The following ALG9 variants were observed in gnomAD, a reference collection of about 807,000 sequenced individuals.
ALG9 encodes alpha-1,2-mannosyltransferase ALG9.
A neutral mutation model predicts 81.8 loss-of-function variants in ALG9; 55 were observed. The ratio of observed to expected loss-of-function variants is 0.67; its 90% CI spans 0.54 to 0.84. The LOEUF (loss-of-function observed/expected upper bound fraction) is 0.84. Ranked by LOEUF, ALG9 falls within the 40% of genes least tolerant of loss-of-function variation. The pLI is 0.00. For missense variants in ALG9, 629 were observed against 745.0 expected (o/e 0.84, Z 1.81); for synonymous variants, 278 against 274.3 (o/e 1.01, Z -0.13).
intron 5 of ALG9, among the ~76,000 whole-genome samples, chr11:111,858,325 T>C (rs554346300): frequency 1.3e-5 from 2 of 152,250 alleles, no homozygotes; most frequent in African/African-American, 4.8e-5. Context: ...CAAAAACTCA[T>C]AGAATTCCAC....
chr11:111,859,407 C>T (rs1959214420), intron 5 of ALG9, among the ~76,000 whole-genome samples: 1 of 151,588 alleles, frequency 6.6e-6, no homozygotes, highest in Non-Finnish European at 1.5e-5. Flanking sequence ...GAGCCTGAGG[C>T]AAGAGAATCG....
At chr11:111,859,413 A>G (rs1336400267) in intron 5 of ALG9, among the ~76,000 whole-genome samples, 1 of 151,978 alleles carries the variant, frequency 6.6e-6, no homozygotes, top group Non-Finnish European at 1.5e-5. Flanking sequence ...GAGGCAAGAG[A>G]ATCGCTTGAA....
chr11:111,852,920 C>A, intron 8 of ALG9, among the ~76,000 whole-genome samples: 1 of 131,362 alleles, frequency 7.6e-6, no homozygotes, highest in African/African-American at 3.0e-5. Context: ...CCAGCCTGGG[C>A]AACAAGAGTC....
intron 14 of ALG9, among the ~76,000 whole-genome samples, chr11:111,805,675 A>G (rs558084841): frequency 6.6e-6 from 1 of 152,388 alleles, no homozygotes; most frequent in South Asian, 2.1e-4. Flanking sequence ...AGAGCATGGA[A>G]GTAGAACAGA....
chr11:111,861,821 C>T lies in ALG9; in HGVS notation c.477-1186G>A, dbSNP rs539903105. 7.3e-5 allele frequency among the ~76,000 whole-genome samples: 11 copies of T among 151,512 alleles called. No individual in the cohort carries two copies. The South Asian group carries it at 2.1e-3, about 29-fold the overall frequency. The stretch of plus-strand genomic sequence containing the variant: ...TTTAAACTGAAAAGTCTGTATTTAG[C>T]TCTTGGTCTTAAAAGATGGCTTAAC... On this transcript the variant is annotated intron_variant, in intron 4 of 14. Coordinates refer to ENST00000616540, the MANE Select transcript of ALG9 (RefSeq NM_024740.2).
chr11:111,826,655 A>G (rs1555108814), intron 13 of ALG9, among the ~76,000 whole-genome samples: 1 of 152,016 alleles, frequency 6.6e-6, no homozygotes, highest in East Asian at 1.9e-4. Flanking sequence ...ACATACACTA[A>G]CTTCTTTTGG....
At chr11:111,834,156 T>A (rs1016108549) in intron 13 of ALG9, among the ~76,000 whole-genome samples, 2 of 152,240 alleles carry the variant, frequency 1.3e-5, no homozygotes, top group Non-Finnish European at 2.9e-5. Context: ...ATTAAATGGC[T>A]AAATGAACTG....
chr11:111,821,636 G>A (rs1175178688), intron 13 of ALG9, among the ~76,000 whole-genome samples: 1 of 151,866 alleles, frequency 6.6e-6, no homozygotes, highest in Non-Finnish European at 1.5e-5. Context: ...TGTTTCCCCA[G>A]GCTTCTTTTT....
intron 4 of ALG9, among the ~76,000 whole-genome samples, chr11:111,861,779 T>C (rs1221296460): frequency 6.6e-6 from 1 of 152,092 alleles, no homozygotes; most frequent in South Asian, 2.1e-4. Context: ...CCTTTTTTTT[T>C]CCCTTTCTCT....
At chr11:111,795,878 G>A (rs1233385158) in intron 14 of ALG9, among the ~76,000 whole-genome samples, 1 of 152,200 alleles carries the variant, frequency 6.6e-6, no homozygotes, top group Non-Finnish European at 1.5e-5. Context: ...AAGGTTGCTG[G>A]AGAAATGCTC....
intron 13 of ALG9, among the ~76,000 whole-genome samples, chr11:111,833,295 G>A (rs1310083352): frequency 1.3e-5 from 2 of 152,156 alleles, no homozygotes; most frequent in Non-Finnish European, 2.9e-5. Context: ...TTTAGATCTT[G>A]ATTCTGGCAG....
chr11:111,796,289 T>C lies in ALG9; in HGVS notation c.1734-9769A>G, dbSNP rs1481913934. 2.6e-5 allele frequency among the ~76,000 whole-genome samples: 4 copies of C among 152,332 alleles called. No individual in the cohort carries two copies. The East Asian group carries it at 5.8e-4, about 22-fold the overall frequency. ...TGCTAGGAGTTGTAGAGAATCAACATGTAATGTGGTTCTAACTCTCAAGGA... is the reference window on the plus strand; with the variant it reads ...TGCTAGGAGTTGTAGAGAATCAACACGTAATGTGGTTCTAACTCTCAAGGA... On this transcript the variant is annotated intron_variant, in intron 14 of 14. Coordinates refer to ENST00000616540, the MANE Select transcript of ALG9 (RefSeq NM_024740.2).
chr11:111,865,841 A>C (rs538493324), intron 3 of ALG9, among the ~76,000 whole-genome samples: 1 of 151,950 alleles, frequency 6.6e-6, no homozygotes, highest in Admixed American at 6.5e-5. Context: ...TTTTCCTCCT[A>C]TCTTCCAAAG....
At position 111,868,676 on chromosome 11, in the gene ALG9, T is replaced by A; in HGVS notation, c.331A>T (p.Ile111Phe). The change falls in exon 3 of 15, where the codon ATT becomes TTT. Residue 111 changes from isoleucine to phenylalanine, a missense_variant. Transcript: ENST00000616540. Reference protein sequence around the residue: ...QTWEYSPAYAIRSYAYLLLHA... With the variant: ...QTWEYSPAYAFRSYAYLLLHA... ...AGCAACAGGTAAGCATAGGAGCGAA[T>A]GGCATATGCTGGGGAATATTCCCAA... The A allele has an allele frequency of 6.2e-7, 1 of 1,613,802 alleles. No homozygotes were observed. The highest frequency in any genetic ancestry group is 8.5e-7 in the Non-Finnish European group (1 of 1,179,716).
At chr11:111,793,488 A>G (rs1405597861) in intron 14 of ALG9, among the ~76,000 whole-genome samples, 3 of 151,772 alleles carry the variant, frequency 2.0e-5, no homozygotes, top group Non-Finnish European at 2.9e-5. Context: ...CGGGCCAGGC[A>G]TGGTGGCTCA....
intron 3 of ALG9, among the ~76,000 whole-genome samples, chr11:111,868,269 C>A (rs1400430747): frequency 6.6e-6 from 1 of 152,114 alleles, no homozygotes; most frequent in Non-Finnish European, 1.5e-5. Flanking sequence ...TTAAATTAGA[C>A]CCTCCTAATA....
intron 12 of ALG9, among the ~76,000 whole-genome samples, chr11:111,837,028 C>T (rs550213014): frequency 6.6e-6 from 1 of 152,342 alleles, no homozygotes; most frequent in Middle Eastern, 3.4e-3. Flanking sequence ...ACATTTTAAC[C>T]ACAGCCTTCC....
chr11:111,799,153 A>G (rs1565655687), intron 14 of ALG9, among the ~76,000 whole-genome samples: 1 of 151,564 alleles, frequency 6.6e-6, no homozygotes. Context: ...TCACAGTATA[A>G]TTTTTTTTTG....
At chr11:111,854,206 C>G (rs1958300988) in intron 6 of ALG9, among the ~76,000 whole-genome samples, 2 of 149,406 alleles carry the variant, frequency 1.3e-5, no homozygotes, top group Non-Finnish European at 3.0e-5. Flanking sequence ...CCAGCATTCT[C>G]CTGCCTCAGG....
Sources: allele counts gnomAD v4.1 joint callset (sites outside exome capture counted in the v4.1 genomes callset), GRCh38; gene constraint gnomAD v4.1.1; transcripts MANE v1.5; gene names NCBI Gene and HGNC (gene_info 2026-07-23, HGNC 2026-07-21).